Variants in ADCY2 observed in about 807,000 individuals in gnomAD.
ADCY2 encodes the protein adenylate cyclase type 2.
In ADCY2, 31 loss-of-function variants were observed where a neutral mutation model predicts 125.2. The observed-to-expected ratio is 0.25, with a 90% confidence interval of 0.19 to 0.33. ADCY2 has a LOEUF of 0.33. ADCY2 is among the 10% of genes least tolerant of loss of function. The pLI, the probability that ADCY2 is intolerant of heterozygous loss-of-function variation, is 1.00. For missense variants in ADCY2, 904 were observed against 1,418.2 expected (o/e 0.64, Z 5.82); for synonymous variants, 512 against 548.4 (o/e 0.93, Z 0.93).
At chr5:7,598,149 A>C (rs571166053) in intron 3 of ADCY2, among the ~76,000 whole-genome samples, 1 of 152,296 alleles carries the variant, frequency 6.6e-6, no homozygotes, top group Admixed American at 6.5e-5. Flanking sequence ...CTGGGAGCTA[A>C]AAAGCTTTCG....
chr5:7,760,488 A>G (rs895573795), intron 16 of ADCY2, among the ~76,000 whole-genome samples: 5 of 152,218 alleles, frequency 3.3e-5, no homozygotes, highest in African/African-American at 1.2e-4. Context: ...CTGGCCCGTC[A>G]GGAGTGTGTT....
chr5:7,767,797 G>A (rs1011987307), intron 17 of ADCY2, among the ~76,000 whole-genome samples: 2 of 152,000 alleles, frequency 1.3e-5, no homozygotes, highest in Non-Finnish European at 2.9e-5. Flanking sequence ...TTGGGAGTCC[G>A]AGGCAGGCAG....
chr5:7,777,471 C>T (rs1428883003), intron 18 of ADCY2, among the ~76,000 whole-genome samples: 7 of 152,256 alleles, frequency 4.6e-5, no homozygotes, highest in South Asian at 4.1e-4. Flanking sequence ...GAAATCTCTT[C>T]GCCTCACCTG....
At chr5:7,615,062 G>A (rs561237903) in intron 3 of ADCY2, among the ~76,000 whole-genome samples, 99 of 152,296 alleles carry the variant, frequency 6.5e-4, no homozygotes, top group Non-Finnish European at 1.3e-3. Flanking sequence ...TTCACATAGT[G>A]GAGCAGGAGA....
Position 7,829,971 on chromosome 5 carries a change from A to G in ADCY2, c.*3100A>G, listed in dbSNP as rs1380771977. ...GGCACGTGCCTGTAGTCCCAGCTAC[A>G]TGGGAGGCTGAGGTGGGAGGATCAC... On this transcript the variant is annotated 3_prime_UTR_variant, in exon 25 of 25. Transcript: ENST00000338316. 6.6e-6 allele frequency: 1 copy of G among 152,110 alleles called. No individual in the cohort carries two copies. The highest frequency in any genetic ancestry group is 1.5e-5 in the Non-Finnish European group (1 of 68,066). The allele number at this position is 152,110 out of a possible 1,614,324, so 9.4% of individuals were successfully genotyped here.
chr5:7,705,131 T>G (rs1561178227), intron 7 of ADCY2, among the ~76,000 whole-genome samples: 1 of 152,310 alleles, frequency 6.6e-6, no homozygotes, highest in East Asian at 1.9e-4. Flanking sequence ...CATAAAATGT[T>G]AAGAACAATT....
Position 7,482,779 on chromosome 5 carries a change from TATATATATATATAC to T in ADCY2, c.409-37957_409-37944del, listed in dbSNP as rs147150882. Among the ~76,000 whole-genome samples, 1,337 of 146,302 alleles carry T rather than the reference TATATATATATATAC, an allele frequency of 9.1e-3. 16 individuals carry two copies. The highest frequency in any genetic ancestry group is 0.025 in the African/African-American group (985 of 39,426). ...ATAAAGAAAATGTGATATATATATA[TATATATATATATAC>T]ACACACACATACATATATACATATA... On this transcript the variant is annotated intron_variant, in intron 2 of 24. Transcript: ENST00000338316.
chr5:7,807,846 C>T (rs564599854), intron 22 of ADCY2, among the ~76,000 whole-genome samples: 94 of 152,290 alleles, frequency 6.2e-4, no homozygotes, highest in Admixed American at 5.0e-3. Flanking sequence ...CTACACCAGC[C>T]CTCAAACATG....
intron 2 of ADCY2, among the ~76,000 whole-genome samples, chr5:7,480,502 C>G (rs1742688876): frequency 6.6e-6 from 1 of 152,158 alleles, no homozygotes; most frequent in Admixed American, 6.5e-5. Flanking sequence ...AATACATGAA[C>G]AGAAAACCAA....
chr5:7,498,239 G>GTT lies in ADCY2; in HGVS notation c.409-22473_409-22472dup, dbSNP rs910360437. Reference sequence around the variant, plus strand: ...TAAGTAAAACTCTTTTTCTTTTTTCGTTTTTTTTTTTTTTTTTTTTTTTTT... The same window carrying GTT: ...TAAGTAAAACTCTTTTTCTTTTTTCGTTTTTTTTTTTTTTTTTTTTTTTTTTT... On this transcript the variant is annotated intron_variant, in intron 2 of 24. Transcript: ENST00000338316. 5.3e-3 allele frequency among the ~76,000 whole-genome samples: 332 copies of GTT among 62,102 alleles called. 40 individuals carry two copies. The highest frequency in any genetic ancestry group is 0.031 in the East Asian group (59 of 1,914). The allele number at this position is 62,102 out of a possible 152,430, so 40.7% of individuals were successfully genotyped here.
At chr5:7,782,511 C>A (rs553119036) in intron 18 of ADCY2, among the ~76,000 whole-genome samples, 53 of 152,300 alleles carry the variant, frequency 3.5e-4, no homozygotes, top group African/African-American at 1.2e-3. Flanking sequence ...AGGGGACTTG[C>A]GTTCTGATTT....
chr5:7,413,670 C>T (rs1259661218), intron 1 of ADCY2, among the ~76,000 whole-genome samples: 1 of 151,590 alleles, frequency 6.6e-6, no homozygotes, highest in Non-Finnish European at 1.5e-5. Flanking sequence ...GATTAAAGAC[C>T]TTACACTGTA....
chr5:7,825,201 G>C (rs185483137), intron 24 of ADCY2, among the ~76,000 whole-genome samples: 1 of 151,836 alleles, frequency 6.6e-6, no homozygotes, highest in Non-Finnish European at 1.5e-5. Context: ...GCTGCTGTGC[G>C]CCACGACAAC....
chr5:7,651,712 CT>C (rs1739097138), intron 4 of ADCY2, among the ~76,000 whole-genome samples: 1 of 152,134 alleles, frequency 6.6e-6, no homozygotes, highest in South Asian at 2.1e-4. Context: ...ACTTTGCATC[CT>C]TCAATCCAAT....
chr5:7,704,182 C>T (rs1162139856), intron 7 of ADCY2, among the ~76,000 whole-genome samples: 1 of 151,938 alleles, frequency 6.6e-6, no homozygotes, highest in Admixed American at 6.6e-5. Flanking sequence ...CAGGAATTTT[C>T]ATTTTTTAAG....
At chr5:7,811,040 C>T (rs1421648928) in intron 22 of ADCY2, among the ~76,000 whole-genome samples, 1 of 152,116 alleles carries the variant, frequency 6.6e-6, no homozygotes, top group African/African-American at 2.4e-5. Context: ...ATATGCAGTA[C>T]CTCTAGCCAT....
At chr5:7,415,420 G>A (rs1001972174) in intron 2 of ADCY2, among the ~76,000 whole-genome samples, 4 of 152,172 alleles carry the variant, frequency 2.6e-5, no homozygotes, top group Non-Finnish European at 5.9e-5. Flanking sequence ...TCTGTCCGTA[G>A]CCTTGTTTTA....
intron 3 of ADCY2, among the ~76,000 whole-genome samples, chr5:7,615,177 CA>C (rs1020633141): frequency 6.6e-6 from 1 of 152,124 alleles, no homozygotes; most frequent in Non-Finnish European, 1.5e-5. Context: ...ATGGTCCAAT[CA>C]TCTCCCACCA....
Position 7,709,255 on chromosome 5 carries a change from C to T in ADCY2, c.1446C>T (p.Thr482=). 1 of 1,613,892 alleles carries T rather than the reference C, an allele frequency of 6.2e-7. No individual in the cohort carries two copies. The highest frequency in any genetic ancestry group is 8.5e-7 in the Non-Finnish European group (1 of 1,179,936). Residue 482 remains threonine (T), a synonymous_variant, in exon 10 of 25, where the codon ACC becomes ACT. Coordinates refer to ENST00000338316, the MANE Select transcript of ADCY2 (RefSeq NM_020546.3). This position sits in a 1 kb window ranked among gnomAD's most constrained non-coding sequence, Gnocchi z 4.4. ...SPQHLFRPRH[T]LDGAKMRASV... ...AGCATCTCTTCAGACCTCGCCACAC[C>T]CTTGATGGAGCCAAAATGAGGGCCT...
Sources: allele counts gnomAD v4.1 joint callset (sites outside exome capture counted in the v4.1 genomes callset), GRCh38; gene constraint gnomAD v4.1.1; non-coding constraint Gnocchi (gnomAD v3.1); transcripts MANE v1.5; gene names NCBI Gene and HGNC (gene_info 2026-07-23, HGNC 2026-07-21).